Variants in JAK2 observed in about 807,000 individuals in gnomAD.
JAK2 encodes the protein tyrosine-protein kinase JAK2.
A neutral mutation model predicts 139.3 loss-of-function variants in JAK2; 86 were observed. The ratio of observed to expected loss-of-function variants is 0.62; its 90% confidence interval spans 0.52 to 0.74. JAK2 has a LOEUF of 0.74. JAK2 is among the 30% of genes least tolerant of loss of function. The pLI, the probability that JAK2 is intolerant of heterozygous loss-of-function variation, is 0.00. For synonymous variants in JAK2, 490 were observed against 437.7 expected (o/e 1.12, Z -1.49); for missense variants, 1,421 against 1,360.3 (o/e 1.04, Z -0.70).
chr9:5,087,100 C>T (rs919439724), intron 19 of JAK2, among the ~76,000 whole-genome samples: 14 of 152,108 alleles, frequency 9.2e-5, no homozygotes, highest in African/African-American at 3.4e-4. Context: ...TGGTTAGGCA[C>T]TTATGACTCT....
In JAK2 at chr9:5,077,508, G is replaced by C; in HGVS notation, c.1920G>C (p.Lys640Asn). The change falls in exon 15 of 25, where the codon AAG (lysine) becomes AAC (asparagine). Residue 640 changes from lysine to asparagine, a missense_variant. Coordinates refer to ENST00000381652, the MANE Select transcript of JAK2 (RefSeq NM_004972.4). Reference sequence around the variant, plus strand: ...GATCACTAGATACATATCTGAAAAAGAATAAAAATTGTATAAATATATTAT... The same window carrying C: ...GATCACTAGATACATATCTGAAAAACAATAAAAATTGTATAAATATATTAT... ...KFGSLDTYLK[K>N]NKNCINILWK... The C allele has an allele frequency of 6.9e-7, 1 of 1,442,436 alleles. No individual in the cohort carries two copies. Among genetic ancestry groups the C allele is most frequent in the Non-Finnish European group, 9.3e-7 (1 of 1,078,812 alleles). 89.4% of individuals were successfully genotyped at this position (1,442,436 alleles called of 1,614,324 possible).
chr9:5,063,011 A>C (rs1818294603), intron 8 of JAK2, among the ~76,000 whole-genome samples: 1 of 152,034 alleles, frequency 6.6e-6, no homozygotes, highest in African/African-American at 2.4e-5. Flanking sequence ...AATTTTGTTT[A>C]GGATACCTTT....
chr9:5,116,064 TA>T (rs1007132713), intron 22 of JAK2, among the ~76,000 whole-genome samples: 2 of 150,118 alleles, frequency 1.3e-5, no homozygotes, highest in African/African-American at 4.9e-5. Context: ...TAATAAAATT[TA>T]AAAAAAAAAC....
intron 19 of JAK2, among the ~76,000 whole-genome samples, chr9:5,082,569 C>G (rs987912235): frequency 1.3e-5 from 2 of 152,240 alleles, no homozygotes; most frequent in African/African-American, 4.8e-5. Flanking sequence ...CTAATCCTCC[C>G]CAGCACAGAC....
chr9:5,122,433 T>C (rs1823689312), intron 22 of JAK2, among the ~76,000 whole-genome samples: 1 of 152,090 alleles, frequency 6.6e-6, no homozygotes, highest in South Asian at 2.1e-4. Flanking sequence ...CTCCAGCATA[T>C]TTATATGGAT....
chr9:5,094,466 G>T (rs1407908734), intron 22 of JAK2: 1 of 151,958 alleles, frequency 6.6e-6, no homozygotes, highest in Non-Finnish European at 1.5e-5. Context: ...GTACTGATCG[G>T]CACACTACGA....
At chr9:5,085,794 C>G (rs1295503757) in intron 19 of JAK2, 2 of 755,190 alleles carry the variant, frequency 2.6e-6, no homozygotes, top group Admixed American at 1.7e-5. Context: ...ATTACATGCT[C>G]GGGCCATTAG....
intron 22 of JAK2, among the ~76,000 whole-genome samples, chr9:5,092,779 G>A (rs1412254470): frequency 6.6e-6 from 1 of 152,192 alleles, no homozygotes; most frequent in African/African-American, 2.4e-5. Flanking sequence ...GAGTAGTGGT[G>A]ATAAGCCTAT....
intron 22 of JAK2, among the ~76,000 whole-genome samples, chr9:5,101,203 T>A (rs1156257010): frequency 6.6e-6 from 1 of 152,206 alleles, no homozygotes; most frequent in Non-Finnish European, 1.5e-5. Flanking sequence ...CCAACAGTCT[T>A]ACCAAATGGC....
intron 2 of JAK2, among the ~76,000 whole-genome samples, chr9:4,992,662 T>C (rs1295342393): frequency 1.3e-5 from 2 of 152,168 alleles, no homozygotes; most frequent in South Asian, 2.1e-4. Context: ...AGGTACAGAA[T>C]AGTTTTCTTG....
At chr9:4,998,164 T>G (rs958022259) in intron 2 of JAK2, among the ~76,000 whole-genome samples, 1 of 152,218 alleles carries the variant, frequency 6.6e-6, no homozygotes, top group African/African-American at 2.4e-5. Context: ...AACTCGTCAC[T>G]TCTTAAAATC....
rs547025497 is a variant in JAK2 at position 5,082,984 on chromosome 9, C to G, written c.2571+1123C>G. On this transcript the variant is annotated intron_variant, in intron 19 of 24. Transcript: ENST00000381652. ...TAGACACAGTAACACACTGATCTCT[C>G]TTTCTTTTCCCTATAACTGAAGAAC... Among the ~76,000 whole-genome samples, 19 of 152,314 alleles carry G rather than the reference C, an allele frequency of 1.2e-4. 1 individual carries two copies. Among genetic ancestry groups the G allele is most frequent in the African/African-American group, 4.3e-4 (18 of 41,570 alleles).
intron 2 of JAK2, among the ~76,000 whole-genome samples, chr9:4,999,149 C>A (rs1231095803): frequency 6.6e-6 from 1 of 152,130 alleles, no homozygotes; most frequent in African/African-American, 2.4e-5. Flanking sequence ...AAGCTTTTGC[C>A]TGTCATGTGT....
intron 6 of JAK2, among the ~76,000 whole-genome samples, chr9:5,051,783 T>C (rs1162757758): frequency 1.3e-5 from 2 of 152,184 alleles, no homozygotes; most frequent in Non-Finnish European, 2.9e-5. Context: ...TTCAGTCATT[T>C]CTTTGCCATG....
In JAK2 at chr9:5,069,097, A is replaced by C. The variant is rs771589128; in HGVS notation, c.1402A>C (p.Lys468Gln). Residue 468 changes from lysine (K) to glutamine (Q), a missense_variant, in exon 11 of 25, where the codon AAG becomes CAG. Physicochemically the swap from Lys to Gln is moderately conservative, Grantham distance 53. Coordinates refer to ENST00000381652, the MANE Select transcript of JAK2 (RefSeq NM_004972.4). ...ENEEYNLSGTKKNFSSLKDLL... is the reference protein window; with the variant it reads ...ENEEYNLSGTQKNFSSLKDLL... Reference sequence around the variant, plus strand: ...TGAAGAGTACAACCTCAGTGGGACAAAGAAGAACTTCAGCAGTCTTAAAGA... The same window carrying C: ...TGAAGAGTACAACCTCAGTGGGACACAGAAGAACTTCAGCAGTCTTAAAGA... 8 of 1,611,684 alleles carry C rather than the reference A, an allele frequency of 5.0e-6. No individual in the cohort carries two copies. The highest frequency in any genetic ancestry group is 6.8e-6 in the Non-Finnish European group (8 of 1,178,156).
At chr9:5,083,506 A>G (rs1819860439) in intron 19 of JAK2, among the ~76,000 whole-genome samples, 1 of 152,216 alleles carries the variant, frequency 6.6e-6, no homozygotes, top group African/African-American at 2.4e-5. Context: ...CTGGGAACTT[A>G]TAGCATTTAT....
In JAK2 at chr9:4,991,044, G is replaced by A. The variant is rs75896465; in HGVS notation, c.-26+5022G>A. Among the ~76,000 whole-genome samples, 1,468 of 152,228 alleles carry A rather than the reference G, an allele frequency of 9.6e-3. 24 individuals carry two copies. The highest frequency in any genetic ancestry group is 0.034 in the African/African-American group (1,421 of 41,524). On this transcript the variant is annotated intron_variant, in intron 2 of 24. Coordinates refer to ENST00000381652, the MANE Select transcript of JAK2 (RefSeq NM_004972.4). ...CTGTGTTTTTTTCTGAATGATAGAAGGTTAGACAAGCCATCTCTGGGTGCT... is the reference window on the plus strand; with the variant it reads ...CTGTGTTTTTTTCTGAATGATAGAAAGTTAGACAAGCCATCTCTGGGTGCT...
At chr9:5,047,629 A>G (rs1586700002) in intron 5 of JAK2, among the ~76,000 whole-genome samples, 1 of 152,314 alleles carries the variant, frequency 6.6e-6, no homozygotes, top group East Asian at 1.9e-4. Flanking sequence ...TCAGCTACTC[A>G]AATGAGAAAA....
rs557561122 is a variant in JAK2 at position 5,080,185 on chromosome 9, A to G, written c.2132-44A>G. The G allele has an allele frequency of 8.7e-5, 123 of 1,407,966 alleles. No homozygotes were observed. In the South Asian group the frequency reaches 1.5e-3, roughly 17 times the overall value. The allele number at this position is 1,407,966 out of a possible 1,614,324, so 87.2% of individuals were successfully genotyped here. On this transcript the variant is annotated intron_variant, in intron 16 of 24. Coordinates refer to ENST00000381652, the MANE Select transcript of JAK2 (RefSeq NM_004972.4). Reference sequence around the variant, plus strand: ...CTATTTACATATAAAAGATTGGTTTACTTGTGAATTATTTAACCCTACTCT... The same window carrying G: ...CTATTTACATATAAAAGATTGGTTTGCTTGTGAATTATTTAACCCTACTCT...
Sources: allele counts gnomAD v4.1 joint callset (sites outside exome capture counted in the v4.1 genomes callset), GRCh38; gene constraint gnomAD v4.1.1; transcripts MANE v1.5; gene names NCBI Gene and HGNC (gene_info 2026-07-23, HGNC 2026-07-21).